VWA3B: variants seen among roughly 807,000 people sequenced by gnomAD.
VWA3B encodes von Willebrand factor A domain containing 3B.
VWA3B carries 138 observed loss-of-function variants against 158.3 expected under a neutral mutation model. That is an observed-to-expected ratio of 0.87 (90% CI 0.76 to 1.00). The LOEUF (loss-of-function observed/expected upper bound fraction) is 1.00. VWA3B is among the 50% of genes least tolerant of loss of function. The pLI is 0.00. For missense variants in VWA3B, 1,555 were observed against 1,565.1 expected (o/e 0.99, Z 0.11); for synonymous variants, 596 against 587.3 (o/e 1.01, Z -0.21).
intron 7 of VWA3B, among the ~76,000 whole-genome samples, chr2:98,158,677 A>G (rs1678306997): frequency 7.4e-6 from 1 of 135,990 alleles, no homozygotes; most frequent in South Asian, 2.7e-4. Flanking sequence ...CACGGGACTG[A>G]GAAGGGGGAG....
At chr2:98,124,344 G>C (rs1476961981) in intron 5 of VWA3B, among the ~76,000 whole-genome samples, 4 of 152,220 alleles carry the variant, frequency 2.6e-5, no homozygotes, top group Non-Finnish European at 5.9e-5. Context: ...GAGATGGTCT[G>C]TGTGGGATTG....
intron 1 of VWA3B, among the ~76,000 whole-genome samples, chr2:98,088,954 A>C (rs1218473285): frequency 6.6e-6 from 1 of 152,034 alleles, no homozygotes; most frequent in Non-Finnish European, 1.5e-5. Flanking sequence ...AGGTTTCACC[A>C]TGTTGGCCAG....
intron 7 of VWA3B, among the ~76,000 whole-genome samples, chr2:98,139,951 C>G (rs143677971): frequency 6.6e-6 from 1 of 152,146 alleles, no homozygotes; most frequent in Non-Finnish European, 1.5e-5. Flanking sequence ...TAACACTCAC[C>G]GCAAAGGTCT....
chr2:98,200,357 A>G (rs999662811), intron 12 of VWA3B, among the ~76,000 whole-genome samples: 2 of 152,114 alleles, frequency 1.3e-5, no homozygotes, highest in African/African-American at 2.4e-5. Flanking sequence ...CCTGGCCAAC[A>G]TGGTGAAACC....
At chr2:98,176,653 C>G (rs1680041704) in intron 8 of VWA3B, among the ~76,000 whole-genome samples, 1 of 152,176 alleles carries the variant, frequency 6.6e-6, no homozygotes, top group Non-Finnish European at 1.5e-5. Flanking sequence ...TATGGTCTCT[C>G]AAATACAAGC....
intron 16 of VWA3B, 142 bp downstream of exon 16, chr2:98,230,349 T>A: frequency 1.2e-6 from 1 of 847,616 alleles, no homozygotes; most frequent in Non-Finnish European, 1.7e-6. Flanking sequence ...AAAATAATTG[T>A]ACATTCACAT....
chr2:98,186,771 G>A (rs538720721), intron 9 of VWA3B, among the ~76,000 whole-genome samples: 11 of 152,078 alleles, frequency 7.2e-5, no homozygotes, highest in South Asian at 4.2e-4. Flanking sequence ...GTCCTCGGCC[G>A]TCCAGTCTGC....
intron 21 of VWA3B, among the ~76,000 whole-genome samples, chr2:98,259,040 T>C (rs1391043524): frequency 2.0e-5 from 3 of 151,776 alleles, no homozygotes; most frequent in Non-Finnish European, 3.0e-5. Context: ...GATTTTTCCC[T>C]TTGCTCTACT....
intron 7 of VWA3B, among the ~76,000 whole-genome samples, chr2:98,148,125 A>G (rs1366137233): frequency 6.6e-6 from 1 of 152,214 alleles, no homozygotes; most frequent in East Asian, 1.9e-4. Flanking sequence ...TTTTTAAAAC[A>G]TAAATTTCTG....
In VWA3B at chr2:98,093,042, T is replaced by G. The variant is rs559970117; in HGVS notation, c.-32-19T>G. On this transcript the variant is annotated intron_variant, in intron 1 of 27. Coordinates refer to ENST00000477737, the MANE Select transcript of VWA3B (RefSeq NM_144992.5). ...TTTCCAAGTTTTTAGGAAGTCTGAG[T>G]TTATGATTGCCCTTACAGGAGTTTG... 10 of 1,568,780 alleles carry G rather than the reference T, an allele frequency of 6.4e-6. No individual in the cohort carries two copies. In the Admixed American group the frequency reaches 1.8e-4, roughly 28 times the overall value.
Position 98,305,029 on chromosome 2 carries a change from C to A in VWA3B, c.3521+1227C>A, listed in dbSNP as rs138821599. ...CTGCTTCCACAGAGGCCACACGGGA[C>A]CTCTCACGAGCCTGAACCAGTGAGC... On this transcript the variant is annotated intron_variant, in intron 26 of 27. Transcript: ENST00000477737. Among the ~76,000 whole-genome samples, 379 of 152,270 alleles carry A rather than the reference C, an allele frequency of 2.5e-3. 1 individual carries two copies. Among genetic ancestry groups the A allele is most frequent in the Middle Eastern group, 0.017 (5 of 294 alleles).
intron 5 of VWA3B, among the ~76,000 whole-genome samples, chr2:98,127,425 C>T (rs1045026125): frequency 2.0e-5 from 3 of 152,020 alleles, no homozygotes; most frequent in Non-Finnish European, 4.4e-5. Flanking sequence ...CCGGGAGGAG[C>T]GAGGGTGGCC....
At position 98,145,190 on chromosome 2, in the gene VWA3B, A is replaced by C. The variant is rs2105128879; in HGVS notation, c.988+11251A>C. ...TACCCTTTCCGTCTGTATACTCCAGACTTCTATTTTAGACAAGATTCCTTG... is the reference window on the plus strand; with the variant it reads ...TACCCTTTCCGTCTGTATACTCCAGCCTTCTATTTTAGACAAGATTCCTTG... On this transcript the variant is annotated intron_variant, in intron 7 of 27. Coordinates refer to ENST00000477737, the MANE Select transcript of VWA3B (RefSeq NM_144992.5). Among the ~76,000 whole-genome samples the C allele has an allele frequency of 2.0e-5, 3 of 152,260 alleles. 1 individual carries two copies. The Middle Eastern group carries it at 0.01, about 518-fold the overall frequency.
intron 7 of VWA3B, among the ~76,000 whole-genome samples, chr2:98,140,017 C>T (rs1041994144): frequency 1.6e-4 from 25 of 152,108 alleles, no homozygotes; most frequent in Admixed American, 3.9e-4. Flanking sequence ...GAACGAACAA[C>T]TCCAGAAGCG....
At chr2:98,278,212 G>A (rs1688649262) in intron 22 of VWA3B, among the ~76,000 whole-genome samples, 1 of 152,170 alleles carries the variant, frequency 6.6e-6, no homozygotes. Flanking sequence ...TCAGCCCGTG[G>A]CTCTCAGCCC....
intron 9 of VWA3B, among the ~76,000 whole-genome samples, chr2:98,185,124 CTG>C: frequency 6.6e-6 from 1 of 152,206 alleles, no homozygotes. Flanking sequence ...TTACAAATAA[CTG>C]TGTAATCATA....
intron 9 of VWA3B, among the ~76,000 whole-genome samples, chr2:98,187,626 GTCTC>G (rs377583732): frequency 6.7e-6 from 1 of 148,558 alleles, no homozygotes; most frequent in Non-Finnish European, 1.5e-5. Context: ...ACATTGCTAT[GTCTC>G]TCTCTCTCTC....
At position 98,297,946 on chromosome 2, in the gene VWA3B, T is replaced by C. The variant is rs780320631; in HGVS notation, c.3197T>C (p.Val1066Ala). The C allele has an allele frequency of 1.3e-6, 2 of 1,585,122 alleles. No homozygotes were observed. The highest frequency in any genetic ancestry group is 1.7e-6 in the Non-Finnish European group (2 of 1,165,356). ...KKCVSRTQALVGFSYGDTKVV... is the reference protein window; with the variant it reads ...KKCVSRTQALAGFSYGDTKVV... Reference sequence around the variant, plus strand: ...TGTGTGAGCCGCACCCAAGCACTGGTGGGCTTCAGTTACGGAGACACCAAG... The same window carrying C: ...TGTGTGAGCCGCACCCAAGCACTGGCGGGCTTCAGTTACGGAGACACCAAG... The change falls in exon 24 of 28, where the codon GTG becomes GCG. Residue 1066 changes from valine to alanine, a missense_variant. By Grantham distance (64) the Val-to-Ala change is moderately conservative. Coordinates refer to ENST00000477737, the MANE Select transcript of VWA3B (RefSeq NM_144992.5).
chr2:98,108,424 A>AT (rs1472835650), intron 2 of VWA3B, among the ~76,000 whole-genome samples: 3 of 152,142 alleles, frequency 2.0e-5, no homozygotes, highest in Non-Finnish European at 4.4e-5. Context: ...TTCTTGTTCT[A>AT]TCAGTTATTG....
Sources: gnomAD v4.1 joint callset for allele counts (sites outside exome capture counted in the v4.1 genomes callset) on GRCh38, gnomAD v4.1.1 for gene constraint, MANE v1.5 for transcripts, NCBI Gene and HGNC (gene_info 2026-07-23, HGNC 2026-07-21) for gene names.